The following CSMD1 variants were observed in gnomAD, a reference collection of about 807,000 sequenced individuals.
CSMD1 encodes CUB and sushi domain-containing protein 1.
CSMD1 carries 213 observed loss-of-function variants against 417.5 expected under a neutral mutation model. The observed-to-expected ratio is 0.51, with a 90% confidence interval of 0.46 to 0.57. CSMD1 has a LOEUF of 0.57. Ranked by LOEUF, CSMD1 falls within the 20% of genes least tolerant of loss-of-function variation. The probability of loss-of-function intolerance (pLI) is 0.00; values close to 1 mark genes in which losing one functional copy is unlikely to be tolerated. For synonymous variants in CSMD1, 2,862 were observed against 1,736.8 expected (o/e 1.65, Z -16.11); for missense variants, 6,923 against 4,529.7 (o/e 1.53, Z -15.17).
intron 1 of CSMD1, among the ~76,000 whole-genome samples, chr8:4,937,844 T>C (rs939697289): frequency 1.7e-4 from 26 of 152,154 alleles, no homozygotes; most frequent in African/African-American, 5.3e-4. Context: ...ACAGGAAATC[T>C]ACATTCGAAG....
intron 25 of CSMD1, among the ~76,000 whole-genome samples, chr8:3,288,050 A>T (rs190200257): frequency 8.1e-5 from 12 of 147,320 alleles, no homozygotes; most frequent in African/African-American, 3.0e-4. Context: ...TTCTGCATCT[A>T]TTGAGATAAT....
chr8:4,631,451 C>T (rs1481092272), intron 2 of CSMD1, among the ~76,000 whole-genome samples: 1 of 150,486 alleles, frequency 6.6e-6, no homozygotes, highest in East Asian at 1.9e-4. Context: ...CCCTTAGGAC[C>T]TTGTAGCAAC....
chr8:4,442,052 ATT>A (rs1208990189), intron 2 of CSMD1, among the ~76,000 whole-genome samples: 2 of 152,104 alleles, frequency 1.3e-5, no homozygotes, highest in African/African-American at 4.8e-5. Flanking sequence ...CTGGAAACCC[ATT>A]TTGTTTCAAA....
At chr8:2,968,153 T>C (rs192988085) in intron 57 of CSMD1, among the ~76,000 whole-genome samples, 1 of 152,290 alleles carries the variant, frequency 6.6e-6, no homozygotes, top group Admixed American at 6.5e-5. Flanking sequence ...ATATCAAAAT[T>C]TCATTTTGCA....
At chr8:4,439,523 T>A in intron 2 of CSMD1, among the ~76,000 whole-genome samples, 1 of 152,240 alleles carries the variant, frequency 6.6e-6, no homozygotes, top group South Asian at 2.1e-4. Context: ...CATATATGCA[T>A]ACATTTGAAA....
At chr8:4,747,247 G>A (rs13252507) in intron 1 of CSMD1, among the ~76,000 whole-genome samples, 13,359 of 152,234 alleles carry the variant, frequency 0.088, 698 homozygotes, top group Non-Finnish European at 0.12. Flanking sequence ...ATTGAGACAT[G>A]CCTTTTTCAT....
At chr8:4,767,728 G>A (rs554372252) in intron 1 of CSMD1, among the ~76,000 whole-genome samples, 1 of 152,120 alleles carries the variant, frequency 6.6e-6, no homozygotes, top group Non-Finnish European at 1.5e-5. Flanking sequence ...CCACTTCTGT[G>A]CTCAGGCTTG....
chr8:3,911,279 G>T (rs1157645806), intron 5 of CSMD1, among the ~76,000 whole-genome samples: 1 of 151,842 alleles, frequency 6.6e-6, no homozygotes, highest in Non-Finnish European at 1.5e-5. Context: ...TTGTTTAACT[G>T]AAGTCTCTAT....
At chr8:4,428,624 A>G (rs570965726) in intron 2 of CSMD1, among the ~76,000 whole-genome samples, 8 of 152,200 alleles carry the variant, frequency 5.3e-5, no homozygotes, top group African/African-American at 1.9e-4. Context: ...TTCCTTTAGG[A>G]AACACGGAAA....
At chr8:3,492,937 T>G (rs144973848) in intron 11 of CSMD1, among the ~76,000 whole-genome samples, 1 of 151,992 alleles carries the variant, frequency 6.6e-6, no homozygotes, top group Non-Finnish European at 1.5e-5. Flanking sequence ...CTAGAAAGCA[T>G]CTGTACCTCT....
chr8:4,903,247 AG>A (rs1805014973), intron 1 of CSMD1, among the ~76,000 whole-genome samples: 1 of 152,268 alleles, frequency 6.6e-6, no homozygotes, highest in African/African-American at 2.4e-5. Context: ...AGCCAGACTT[AG>A]TGTGTCATCT....
chr8:3,755,055 G>A (rs573636027), intron 5 of CSMD1, among the ~76,000 whole-genome samples: 2 of 152,302 alleles, frequency 1.3e-5, no homozygotes, highest in African/African-American at 4.8e-5. Context: ...TTAGTTGTCA[G>A]AAACAATCAT....
intron 13 of CSMD1, among the ~76,000 whole-genome samples, chr8:3,408,696 G>A (rs1277975230): frequency 6.6e-6 from 1 of 151,886 alleles, no homozygotes; most frequent in African/African-American, 2.4e-5. Context: ...GGGTAAACAT[G>A]AATAAATAAA....
chr8:3,170,308 C>T (rs976829168), intron 37 of CSMD1, among the ~76,000 whole-genome samples: 6 of 152,254 alleles, frequency 3.9e-5, no homozygotes, highest in Non-Finnish European at 7.4e-5. Context: ...CCCGGGTTCA[C>T]ACCATTCTCC....
At chr8:4,250,892 G>C (rs1358936827) in intron 3 of CSMD1, among the ~76,000 whole-genome samples, 1 of 152,152 alleles carries the variant, frequency 6.6e-6, no homozygotes, top group African/African-American at 2.4e-5. Context: ...GATGAAAAGA[G>C]CACCTCTTAA....
At chr8:4,987,601 G>C (rs559842292) in intron 1 of CSMD1, among the ~76,000 whole-genome samples, 1 of 152,292 alleles carries the variant, frequency 6.6e-6, no homozygotes, top group African/African-American at 2.4e-5. Flanking sequence ...GAATCTGACT[G>C]ATATTTTATA....
chr8:4,105,314 T>A (rs1048715739), intron 3 of CSMD1, among the ~76,000 whole-genome samples: 1 of 149,574 alleles, frequency 6.7e-6, no homozygotes, highest in Non-Finnish European at 1.5e-5. Flanking sequence ...GCTTTAGTGA[T>A]CTTAATCTTG....
At chr8:4,120,301 C>T (rs1395211716) in intron 3 of CSMD1, among the ~76,000 whole-genome samples, 2 of 152,134 alleles carry the variant, frequency 1.3e-5, no homozygotes, top group African/African-American at 4.8e-5. Flanking sequence ...ATATATACTT[C>T]AGTGTTATTT....
intron 10 of CSMD1, among the ~76,000 whole-genome samples, chr8:3,556,541 CA>C (rs1799159053): frequency 6.7e-6 from 1 of 149,260 alleles, no homozygotes; most frequent in African/African-American, 2.5e-5. Context: ...CACACACACA[CA>C]CACACACACC....
Sources: gnomAD v4.1 joint callset for allele counts (sites outside exome capture counted in the v4.1 genomes callset) on GRCh38, gnomAD v4.1.1 for gene constraint, MANE v1.5 for transcripts, NCBI Gene and HGNC (gene_info 2026-07-23, HGNC 2026-07-21) for gene names.